CNIH3: variants seen among roughly 807,000 people sequenced by gnomAD.
CNIH3 encodes the protein protein cornichon homolog 3.
In CNIH3, 14 loss-of-function variants were observed where a neutral mutation model predicts 24.1. That is an observed-to-expected ratio of 0.58 (90% confidence interval 0.38 to 0.91). The LOEUF is 0.91. Ranked by LOEUF, CNIH3 falls within the 40% of genes least tolerant of loss-of-function variation. The pLI is 0.00. For synonymous variants in CNIH3, 68 were observed against 73.8 expected, an observed-to-expected ratio of 0.92 and a Z score of 0.40; for missense variants, 178 against 196.8, an observed-to-expected ratio of 0.90 and a Z score of 0.57.
intron 1 of CNIH3, among the ~76,000 whole-genome samples, chr1:224,437,928 T>TC (rs1436302682): frequency 2.0e-5 from 3 of 151,504 alleles, no homozygotes; most frequent in Non-Finnish European, 4.4e-5. Flanking sequence ...TTTTTTTTTT[T>TC]TGGAGACAGA....
chr1:224,683,184 T>A (rs1267093680), intron 2 of CNIH3, among the ~76,000 whole-genome samples: 1 of 152,230 alleles, frequency 6.6e-6, no homozygotes, highest in Non-Finnish European at 1.5e-5. Context: ...TCACTTTTTT[T>A]AACTCCTGTT....
downstream of CNIH3, among the ~76,000 whole-genome samples, chr1:224,592,021 G>T (rs1681777117): frequency 6.6e-6 from 1 of 152,108 alleles, no homozygotes; most frequent in South Asian, 2.1e-4. Context: ...TTGTGGTTGG[G>T]TCATAATGAC....
chr1:224,632,631 G>T (rs1000467089), intron 1 of CNIH3, among the ~76,000 whole-genome samples: 1 of 152,144 alleles, frequency 6.6e-6, no homozygotes, highest in African/African-American at 2.4e-5. Flanking sequence ...GTGAGGAGAG[G>T]TGGGCTCCCA....
intron 1 of CNIH3, among the ~76,000 whole-genome samples, chr1:224,450,384 T>A (rs997895456): frequency 3.3e-5 from 5 of 152,072 alleles, no homozygotes; most frequent in African/African-American, 9.7e-5. Flanking sequence ...ACATAGTGCG[T>A]GGGAAGACCC....
chr1:224,602,115 T>G (rs1045073073), intron 3 of CNIH3, among the ~76,000 whole-genome samples: 1 of 152,262 alleles, frequency 6.6e-6, no homozygotes, highest in African/African-American at 2.4e-5. Flanking sequence ...AATACATTAT[T>G]AAATGCTTTT....
chr1:224,715,599 C>T (rs962071316), intron 3 of CNIH3, among the ~76,000 whole-genome samples: 8 of 152,082 alleles, frequency 5.3e-5, no homozygotes, highest in Non-Finnish European at 7.4e-5. Flanking sequence ...TTCATCTGAC[C>T]GAAAGGTTGG....
downstream of CNIH3, among the ~76,000 whole-genome samples, chr1:224,593,301 T>A (rs74146394): frequency 4.9e-4 from 74 of 152,196 alleles, no homozygotes; most frequent in South Asian, 0.015. Context: ...ACCACAGGCA[T>A]GTGGCACCAT....
chr1:224,727,454 G>A (rs1298163005), intron 3 of CNIH3, among the ~76,000 whole-genome samples: 1 of 152,146 alleles, frequency 6.6e-6, no homozygotes, highest in Admixed American at 6.5e-5. Flanking sequence ...AGAGGAAAAG[G>A]AAAAGAGACT....
At chr1:224,705,940 C>T (rs1687782727) in intron 3 of CNIH3, among the ~76,000 whole-genome samples, 1 of 145,140 alleles carries the variant, frequency 6.9e-6, no homozygotes, top group South Asian at 2.3e-4. Flanking sequence ...CTTTTGCTTC[C>T]TTCCTCAGTT....
At chr1:224,685,823 G>A (rs1368048363) in intron 3 of CNIH3, among the ~76,000 whole-genome samples, 1 of 152,124 alleles carries the variant, frequency 6.6e-6, no homozygotes, top group African/African-American at 2.4e-5. Context: ...GAGAGCCAGT[G>A]TGTTAGAATC....
At chr1:224,551,683 G>A (rs1679927022) in intron 3 of CNIH3, among the ~76,000 whole-genome samples, 1 of 151,842 alleles carries the variant, frequency 6.6e-6, no homozygotes, top group South Asian at 2.1e-4. Context: ...GTACACCCTG[G>A]ATATTTTAGG....
intron 4 of CNIH3, 59 bp downstream of exon 4, chr1:224,730,633 C>A: frequency 9.9e-7 from 1 of 1,010,430 alleles, no homozygotes; most frequent in African/African-American, 1.6e-5. Context: ...GCCTGCTCTC[C>A]AGTGATGATG....
intron 1 of CNIH3, chr1:224,454,492 GA>G (rs1675565127): frequency 4.6e-6 from 1 of 219,544 alleles, no homozygotes; most frequent in African/African-American, 2.4e-5. Flanking sequence ...TGGACTGAGA[GA>G]CCTGGTGAGG....
At chr1:224,465,744 T>C (rs1343215640) in intron 1 of CNIH3, among the ~76,000 whole-genome samples, 1 of 152,000 alleles carries the variant, frequency 6.6e-6, no homozygotes, top group Non-Finnish European at 1.5e-5. Flanking sequence ...AACCAGGAAA[T>C]TGGGCGGGTG....
chr1:224,442,432 G>C (rs1386859997), intron 1 of CNIH3, among the ~76,000 whole-genome samples: 2 of 152,176 alleles, frequency 1.3e-5, no homozygotes, highest in African/African-American at 2.4e-5. Flanking sequence ...TCTGTCCCCA[G>C]ATTATTGACA....
intron 1 of CNIH3, among the ~76,000 whole-genome samples, chr1:224,452,536 C>T (rs960750441): frequency 1.3e-5 from 2 of 151,676 alleles, no homozygotes; most frequent in Non-Finnish European, 2.9e-5. Context: ...AATCCCAGCA[C>T]TTTGGGAGGC....
At chr1:224,545,199 G>A (rs186748919) in intron 2 of CNIH3, among the ~76,000 whole-genome samples, 77 of 152,342 alleles carry the variant, frequency 5.1e-4, no homozygotes, top group African/African-American at 1.6e-3. Flanking sequence ...GGCAATGACT[G>A]TGTAGCTTTT....
Position 224,710,494 on chromosome 1 carries a change from A to C in CNIH3, c.199-19968A>C, listed in dbSNP as rs115494947. 5.3e-3 allele frequency among the ~76,000 whole-genome samples: 809 copies of C among 152,350 alleles called. 7 individuals are homozygous for C. Among genetic ancestry groups the C allele is most frequent in the African/African-American group, 0.018 (763 of 41,586 alleles). On this transcript the variant is annotated intron_variant, in intron 3 of 5. Transcript: ENST00000272133. Reference sequence around the variant, plus strand: ...TTGATCATATATAATTTCCATACCCAGAAATCTCTGGATCCCAGTTTTGGA... The same window carrying C: ...TTGATCATATATAATTTCCATACCCCGAAATCTCTGGATCCCAGTTTTGGA...
intron 1 of CNIH3, among the ~76,000 whole-genome samples, chr1:224,480,279 G>A (rs748436637): frequency 2.6e-5 from 4 of 152,150 alleles, no homozygotes; most frequent in East Asian, 1.9e-4. Context: ...CACACAGCAC[G>A]GGACTCTGGG....
Sources: gnomAD v4.1 joint callset for allele counts (sites outside exome capture counted in the v4.1 genomes callset) on GRCh38, gnomAD v4.1.1 for gene constraint, MANE v1.5 for transcripts, NCBI Gene and HGNC (gene_info 2026-07-23, HGNC 2026-07-21) for gene names.